Variants in MYO15B observed in about 807,000 individuals in gnomAD.
MYO15B encodes myosin XVB pseudogene.
A neutral mutation model predicts 119.3 loss-of-function variants in MYO15B; 207 were observed. That is an observed-to-expected ratio of 1.73 (90% CI 1.55 to 1.95). The LOEUF (loss-of-function observed/expected upper bound fraction) is 1.95. Ranked by LOEUF, MYO15B falls within the 30% of genes most tolerant of loss-of-function variation. The pLI is 0.00. For missense variants in MYO15B, 2,264 were observed against 1,203.1 expected (o/e 1.88, Z -13.04); for synonymous variants, 966 against 498.9 (o/e 1.94, Z -12.48).
At chr17:75,611,794 G>C (rs2058047349) in intron 24 of MYO15B, 92 bp from the exon 25 acceptor site, 1 of 693,142 alleles carries the variant, frequency 1.4e-6, no homozygotes, top group Non-Finnish European at 2.6e-6. Context: ...TGTGGACAGG[G>C]GCTGATGGCT....
At chr17:75,602,429 TC>T in intron 15 of MYO15B, 87 bp from the exon 16 acceptor site, 1 of 702,348 alleles carries the variant, frequency 1.4e-6, no homozygotes, top group Non-Finnish European at 2.6e-6. Context: ...GAGGGTAGAT[TC>T]TTCTCCTCCA....
At chr17:75,613,958 C>G (rs556593083) in intron 29 of MYO15B, 181 bp downstream of exon 29, 6 of 589,956 alleles carry the variant, frequency 1.0e-5, no homozygotes, top group African/African-American at 2.0e-5. Flanking sequence ...TGGGAGCTCC[C>G]ACGGCAGATT....
At chr17:75,608,809 A>G (rs979678347) in intron 21 of MYO15B, among the ~76,000 whole-genome samples, 1 of 151,804 alleles carries the variant, frequency 6.6e-6, no homozygotes, top group Admixed American at 6.6e-5. Context: ...TCTCAGCTCA[A>G]TACAACCTCC....
chr17:75,614,126 C>T, intron 29 of MYO15B, 73 bp from the exon 30 acceptor site: 1 of 676,548 alleles, frequency 1.5e-6, no homozygotes, highest in East Asian at 2.7e-5. Flanking sequence ...CCCCTGCCCC[C>T]TTGGCCCACC....
chr17:75,617,416 G>C (rs920789328), intron 41 of MYO15B, 112 bp downstream of exon 41: 5 of 569,710 alleles, frequency 8.8e-6, no homozygotes, highest in East Asian at 3.0e-5. Context: ...GAGGCCAGCT[G>C]TTCGGGCTTC....
In MYO15B at chr17:75,616,662, G is replaced by A. The variant is rs1260223967; in HGVS notation, c.6383G>A (p.Gly2128Glu). 4 of 702,944 alleles carry A rather than the reference G, an allele frequency of 5.7e-6. No individual in the cohort carries two copies. In the South Asian group the frequency reaches 5.9e-5, roughly 10 times the overall value. 43.5% of individuals were successfully genotyped at this position (702,944 alleles called of 1,614,324 possible). A position where few individuals can be genotyped will look rare whatever the true frequency, so the allele number is the denominator to read the frequency against. The change falls in exon 39 of 64, where the codon GGG (glycine) becomes GAG (glutamate). Residue 2128 changes from glycine (G) to glutamate (E), a missense_variant. By Grantham distance (98) the Gly-to-Glu change is moderately conservative (BLOSUM62 -2). Transcript: ENST00000645453. ...GGCCAAGGGCCAGCCCAAGGCAGGG[G>A]GACTGTGGTGCGCAGCTCAGACTCC... is the stretch of plus-strand genomic sequence containing the variant.
At position 75,609,059 on chromosome 17, in the gene MYO15B, A is replaced by T. The variant is rs539542217; in HGVS notation, c.4293-1107A>T. ...TTTTGTATTTTTAGTAGAGACGGGG[A>T]TTCACCGTGTTGGCCAGGCTGGTCT... is the stretch of plus-strand genomic sequence containing the variant. On this transcript the variant is annotated intron_variant, in intron 21 of 63. Coordinates refer to ENST00000645453, the Ensembl canonical transcript of MYO15B. Among the ~76,000 whole-genome samples the T allele has an allele frequency of 1.5e-4, 23 of 151,364 alleles. 1 individual carries two copies. The highest frequency in any genetic ancestry group is 5.6e-4 in the African/African-American group (23 of 41,190).
intron 56 of MYO15B, 45 bp downstream of exon 56, chr17:75,624,314 G>A: frequency 4.3e-6 from 3 of 702,862 alleles, no homozygotes; most frequent in Non-Finnish European, 7.8e-6. Context: ...CCTGGGGTGG[G>A]GAGTGTCTCC....
intron 19 of MYO15B, among the ~76,000 whole-genome samples, chr17:75,604,309 C>T (rs1046291099): frequency 2.6e-5 from 4 of 152,158 alleles, no homozygotes; most frequent in Non-Finnish European, 2.9e-5. Context: ...TTCCCTGATG[C>T]ACTGTGGCAT....
At chr17:75,620,527 C>T (rs764697080) in exon 49 of MYO15B, 17 of 702,668 alleles carry the variant, frequency 2.4e-5, no homozygotes, top group South Asian at 5.9e-5. Flanking sequence ...ATAGTGCAGC[C>T]GGCTGCCGCT....
At position 75,595,005 on chromosome 17, in the gene MYO15B, G is replaced by C. The variant is rs774127500; in HGVS notation, c.3297+33G>C. ...CTTGGGGTGGGGCCCAGGAAAGGGG[G>C]CACCCATATAATTCCGATGGATTTC... On this transcript the variant is annotated intron_variant, in intron 12 of 63. Transcript: ENST00000645453. 3 of 701,294 alleles carry C rather than the reference G, an allele frequency of 4.3e-6. No individual in the cohort carries two copies. The East Asian group carries it at 8.0e-5, about 19-fold the overall frequency. 43.4% of individuals were successfully genotyped at this position (701,294 alleles called of 1,614,324 possible).
At chr17:75,610,142 C>A (rs1402721930) in intron 21 of MYO15B, 24 bp from the exon 22 acceptor site, 7 of 692,346 alleles carry the variant, frequency 1.0e-5, no homozygotes, top group East Asian at 5.4e-5. Flanking sequence ...CTTCATTTCG[C>A]CCCCGCTCTT....
At chr17:75,609,609 T>G (rs2057880348) in intron 21 of MYO15B, among the ~76,000 whole-genome samples, 3 of 150,188 alleles carry the variant, frequency 2.0e-5, no homozygotes, top group South Asian at 4.2e-4. Context: ...GTCTCTCAAT[T>G]TACTCGTTCT....
chr17:75,596,254 G>A, intron 12 of MYO15B: 1 of 583,214 alleles, frequency 1.7e-6, no homozygotes, highest in South Asian at 2.1e-5. Context: ...AGAGGGCAGG[G>A]GTGTGGGCAG....
In MYO15B at chr17:75,615,497, TCA is replaced by T. The variant is rs1288010378; in HGVS notation, c.5741-3_5741-2del. The T allele has an allele frequency of 2.9e-6, 2 of 689,704 alleles. No individual in the cohort carries two copies. Among genetic ancestry groups the T allele is most frequent in the South Asian group, 3.0e-5 (2 of 65,774 alleles). The allele number at this position is 689,704 out of a possible 1,614,324, so 42.7% of individuals were successfully genotyped here. A position where few individuals can be genotyped will look rare whatever the true frequency, so the allele number is the denominator to read the frequency against. On this transcript the variant is annotated splice_region_variant and splice_polypyrimidine_tract_variant and intron_variant, in intron 34 of 63. Coordinates refer to ENST00000645453, the Ensembl canonical transcript of MYO15B. ...CCACCACTCTGGCCGCCTGCCGCCC[TCA>T]CAGCCATGGTGGTGCCGCCGCAGCC...
At position 75,619,872 on chromosome 17, in the gene MYO15B, T is replaced by C. The variant is rs763928405; in HGVS notation, c.7302-7T>C. ...GTGACCTCAGTTCATGCCCGATCCC[T>C]GCGCAGCTTTGCGGAGGTGCTGGGT... On this transcript the variant is annotated splice_polypyrimidine_tract_variant and splice_region_variant and intron_variant, in intron 46 of 63. Transcript: ENST00000645453. 10 of 702,322 alleles carry C rather than the reference T, an allele frequency of 1.4e-5. No individual in the cohort carries two copies. The highest frequency in any genetic ancestry group is 1.2e-4 in the South Asian group (8 of 67,546). The allele number at this position is 702,322 out of a possible 1,614,324, so 43.5% of individuals were successfully genotyped here. A position where few individuals can be genotyped will look rare whatever the true frequency, so the allele number is the denominator to read the frequency against.
At chr17:75,596,498 C>T (rs780209468) in exon 13 of MYO15B, 8 of 702,946 alleles carry the variant, frequency 1.1e-5, no homozygotes, top group Non-Finnish European at 1.8e-5. Context: ...TGTGCAACAA[C>T]CTCGCCAGCG....
chr17:75,613,079 C>A, exon 27 of MYO15B: 1 of 702,624 alleles, frequency 1.4e-6, no homozygotes, highest in East Asian at 2.7e-5. Context: ...GCGGAATGAG[C>A]TCTTTAGCCA....
At position 75,592,552 on chromosome 17, in the gene MYO15B, C is replaced by T; in HGVS notation, c.2829+11C>T. ...TACTACCTCAACCAGGTCGGGGGAGCCCTTGTGGTGCGGCGGGGAGGCCTG... is the reference window on the plus strand; with the variant it reads ...TACTACCTCAACCAGGTCGGGGGAGTCCTTGTGGTGCGGCGGGGAGGCCTG... On this transcript the variant is annotated intron_variant, in intron 8 of 63. Transcript: ENST00000645453. 1.6e-6 allele frequency: 1 copy of T among 611,250 alleles called. No individual in the cohort carries two copies. Among genetic ancestry groups the T allele is most frequent in the Non-Finnish European group, 2.9e-6 (1 of 340,826 alleles). The allele number at this position is 611,250 out of a possible 1,614,324, so 37.9% of individuals were successfully genotyped here.
Sources: gnomAD v4.1 joint callset for allele counts (sites outside exome capture counted in the v4.1 genomes callset) on GRCh38, gnomAD v4.1.1 for gene constraint, MANE v1.5 for transcripts, NCBI Gene and HGNC (gene_info 2026-07-23, HGNC 2026-07-21) for gene names.